GNA12: variants seen among roughly 807,000 people sequenced by gnomAD.
GNA12 encodes the protein G protein subunit alpha 12, also known as guanine nucleotide-binding protein subunit alpha-12.
In GNA12, 9 loss-of-function variants were observed where a neutral mutation model predicts 26.0. The ratio of observed to expected loss-of-function variants is 0.35; its 90% CI spans 0.21 to 0.60. The LOEUF (loss-of-function observed/expected upper bound fraction) is 0.60. Ranked by LOEUF, GNA12 falls within the 20% of genes least tolerant of loss-of-function variation. The pLI, the probability that GNA12 is intolerant of heterozygous loss-of-function variation, is 0.78. For missense variants in GNA12, 405 were observed against 525.8 expected, an observed-to-expected ratio of 0.77 and a Z score of 2.25; for synonymous variants, 264 against 219.6, an observed-to-expected ratio of 1.20 and a Z score of -1.79.
rs1279304009 is a variant in GNA12 at position 2,731,134 on chromosome 7, C to T, written c.*47G>A. The T allele has an allele frequency of 5.3e-6, 7 of 1,315,228 alleles. No individual in the cohort carries two copies. The highest frequency in any genetic ancestry group is 6.4e-6 in the Non-Finnish European group (6 of 931,846). The allele number at this position is 1,315,228 out of a possible 1,614,324, so 81.5% of individuals were successfully genotyped here. A position where few individuals can be genotyped will look rare whatever the true frequency, so the allele number is the denominator to read the frequency against. On this transcript the variant is annotated 3_prime_UTR_variant, in exon 4 of 4. Coordinates refer to ENST00000275364, the MANE Select transcript of GNA12 (RefSeq NM_007353.3). The surrounding 1 kb of genome is among the most constrained non-coding windows in gnomAD (Gnocchi z 6.0). ...AACACACACCCAAGAGTCTGACCGA[C>T]AGCCGTGGGGGCTGCTCAACGACGA...
At chr7:2,752,733 C>A (rs548558629) in intron 2 of GNA12, among the ~76,000 whole-genome samples, 1 of 151,530 alleles carries the variant, frequency 6.6e-6, no homozygotes, top group African/African-American at 2.4e-5. Flanking sequence ...TTTTTTTTGC[C>A]GTAACTTTTC....
intron 2 of GNA12, among the ~76,000 whole-genome samples, chr7:2,739,071 G>T (rs926040497): frequency 6.6e-6 from 1 of 152,206 alleles, no homozygotes; most frequent in Non-Finnish European, 1.5e-5. Context: ...GCTCCGCAGG[G>T]TGTGTCCTCG....
At chr7:2,765,172 G>A (rs1051244303) in intron 2 of GNA12, 1 of 151,048 alleles carries the variant, frequency 6.6e-6, no homozygotes, top group African/African-American at 2.4e-5. Flanking sequence ...TTTTGAGACG[G>A]AGTCTCGCTC....
At chr7:2,757,383 GA>G (rs904398418) in intron 2 of GNA12, among the ~76,000 whole-genome samples, 7 of 152,110 alleles carry the variant, frequency 4.6e-5, no homozygotes, top group Non-Finnish European at 7.3e-5. Flanking sequence ...TGACCTAGAA[GA>G]AAGCACACAG....
At chr7:2,763,719 T>G (rs1034632890) in intron 2 of GNA12, among the ~76,000 whole-genome samples, 6 of 152,188 alleles carry the variant, frequency 3.9e-5, no homozygotes, top group African/African-American at 7.2e-5. Flanking sequence ...AACCAAAGCT[T>G]CTTCTAAATG....
intron 1 of GNA12, among the ~76,000 whole-genome samples, chr7:2,812,759 T>C (rs1303032788): frequency 6.8e-6 from 1 of 146,252 alleles, no homozygotes; most frequent in South Asian, 2.2e-4. Context: ...CAGGGCCACA[T>C]GAAGGCACAG....
At position 2,795,569 on chromosome 7, in the gene GNA12, G is replaced by A. The variant is rs951453214; in HGVS notation, c.310-426C>T. Among the ~76,000 whole-genome samples, 4 of 150,636 alleles carry A rather than the reference G, an allele frequency of 2.7e-5. No homozygotes were observed. The East Asian group carries it at 5.9e-4, about 22-fold the overall frequency. Reference sequence around the variant, plus strand: ...CTTGAGCCCAGGAGGTCAAGGCTACGGTTATCTATGATTGCTGCACTATAT... The same window carrying A: ...CTTGAGCCCAGGAGGTCAAGGCTACAGTTATCTATGATTGCTGCACTATAT... On this transcript the variant is annotated intron_variant, in intron 1 of 3. Transcript: ENST00000275364.
chr7:2,826,807 G>A (rs1462487868), intron 1 of GNA12, among the ~76,000 whole-genome samples: 1 of 152,188 alleles, frequency 6.6e-6, no homozygotes, highest in Non-Finnish European at 1.5e-5. Context: ...GGGATGAACA[G>A]GTAGAACAAG....
intron 1 of GNA12, among the ~76,000 whole-genome samples, chr7:2,804,309 A>G (rs1173437996): frequency 6.6e-6 from 1 of 152,204 alleles, no homozygotes; most frequent in Non-Finnish European, 1.5e-5. Context: ...TGCAAATAAT[A>G]AAGGTAAGTG....
chr7:2,824,832 G>C (rs191352112), intron 1 of GNA12, among the ~76,000 whole-genome samples: 2 of 152,138 alleles, frequency 1.3e-5, no homozygotes, highest in Non-Finnish European at 2.9e-5. Flanking sequence ...TGGCAGCACA[G>C]CCATCACCTA....
intron 2 of GNA12, among the ~76,000 whole-genome samples, chr7:2,794,336 G>A (rs1029795943): frequency 6.6e-6 from 1 of 152,040 alleles, no homozygotes; most frequent in Non-Finnish European, 1.5e-5. Context: ...CAGAAAAATT[G>A]TACATTTTAC....
chr7:2,812,519 C>T (rs989706883), intron 1 of GNA12, among the ~76,000 whole-genome samples: 2 of 152,208 alleles, frequency 1.3e-5, no homozygotes, highest in African/African-American at 2.4e-5. Context: ...GTCCTAGCTA[C>T]TCAGGAGGCT....
intron 2 of GNA12, among the ~76,000 whole-genome samples, chr7:2,786,500 C>T (rs571972549): frequency 2.3e-4 from 35 of 152,226 alleles, no homozygotes; most frequent in Middle Eastern, 3.4e-3. Context: ...ATGAAAAGTT[C>T]GACTTACCAA....
intron 2 of GNA12, among the ~76,000 whole-genome samples, chr7:2,759,214 G>A (rs1791446099): frequency 6.6e-6 from 1 of 151,724 alleles, no homozygotes; most frequent in Non-Finnish European, 1.5e-5. Context: ...ACCCCATGAT[G>A]GATCTCAAAA....
At chr7:2,764,888 C>T (rs1050612896) in intron 2 of GNA12, 2 of 152,210 alleles carry the variant, frequency 1.3e-5, no homozygotes, top group African/African-American at 2.4e-5. Context: ...GGCTTAAGCA[C>T]GCGTTAGTTA....
chr7:2,830,983 T>A (rs1324759285), intron 1 of GNA12, among the ~76,000 whole-genome samples: 1 of 151,916 alleles, frequency 6.6e-6, no homozygotes, highest in Non-Finnish European at 1.5e-5. Flanking sequence ...AAGCTCCCAA[T>A]GCACAGAGAA....
rs62441391 is a variant in GNA12 at position 2,735,745 on chromosome 7, G to C, written c.526-2244C>G. Among the ~76,000 whole-genome samples, 1,519 of 152,290 alleles carry C rather than the reference G, an allele frequency of 1.0e-2. 12 individuals carry two copies. The highest frequency in any genetic ancestry group is 0.018 in the Non-Finnish European group (1,205 of 68,028). On this transcript the variant is annotated intron_variant, in intron 2 of 3. Transcript: ENST00000275364. ...CTTATCTGTGACTCTCGGTCATCTTGCATGAGTGGCGGAGGAGAGGAGTCA... is the reference window on the plus strand; with the variant it reads ...CTTATCTGTGACTCTCGGTCATCTTCCATGAGTGGCGGAGGAGAGGAGTCA...
chr7:2,805,094 C>T (rs1792912993), intron 1 of GNA12, among the ~76,000 whole-genome samples: 1 of 152,118 alleles, frequency 6.6e-6, no homozygotes, highest in African/African-American at 2.4e-5. Flanking sequence ...AATAAAGGCC[C>T]AGAGCCTTTC....
intron 1 of GNA12, among the ~76,000 whole-genome samples, chr7:2,796,385 C>T (rs757786): frequency 0.51 from 77,487 of 152,070 alleles, 20,147 homozygotes; most frequent in Admixed American, 0.57. Context: ...GTGGTATCAC[C>T]GTCCGCGCCT....
Sources: gnomAD v4.1 joint callset for allele counts (sites outside exome capture counted in the v4.1 genomes callset) on GRCh38, gnomAD v4.1.1 for gene constraint, Gnocchi (gnomAD v3.1) non-coding constraint, MANE v1.5 for transcripts, NCBI Gene and HGNC (gene_info 2026-07-23, HGNC 2026-07-21) for gene names.